Variants in SETBP1 observed in about 807,000 individuals in gnomAD.
The protein encoded by SETBP1 is SET-binding protein.
A neutral mutation model predicts 101.0 loss-of-function variants in SETBP1; 9 were observed. That is an observed-to-expected ratio of 0.09 (90% CI 0.05 to 0.16). SETBP1 has a LOEUF of 0.16. Among genes scored for constraint, SETBP1 ranks in the 10% least tolerant of loss-of-function variants. The pLI, the probability that SETBP1 is intolerant of heterozygous loss-of-function variation, is 1.00. For missense variants in SETBP1, 1,858 were observed against 2,033.8 expected, an observed-to-expected ratio of 0.91 and a Z score of 1.66; for synonymous variants, 818 against 788.5, an observed-to-expected ratio of 1.04 and a Z score of -0.63.
At chr18:44,811,787 G>A (rs2144830985) in intron 2 of SETBP1, among the ~76,000 whole-genome samples, 1 of 152,324 alleles carries the variant, frequency 6.6e-6, no homozygotes, top group Admixed American at 6.5e-5. Context: ...ATGGCTCTGG[G>A]TATGCAAAAG....
intron 4 of SETBP1, among the ~76,000 whole-genome samples, chr18:45,028,276 T>C (rs980078421): frequency 3.3e-5 from 5 of 151,416 alleles, no homozygotes; most frequent in Admixed American, 1.3e-4. Context: ...TTTTTTGTTC[T>C]TGTGATAGTT....
chr18:44,765,479 G>T (rs550734944), intron 2 of SETBP1, among the ~76,000 whole-genome samples: 3 of 152,082 alleles, frequency 2.0e-5, no homozygotes, highest in Non-Finnish European at 4.4e-5. Context: ...GTTTATGTAG[G>T]TTTTTTGTTT....
At chr18:45,056,451 C>T (rs1568054823) in intron 5 of SETBP1, among the ~76,000 whole-genome samples, 1 of 152,184 alleles carries the variant, frequency 6.6e-6, no homozygotes, top group Admixed American at 6.5e-5. Context: ...CAAGTAAGGG[C>T]ATGGCTGGAG....
At chr18:44,792,860 GAAAA>G (rs369042925) in intron 2 of SETBP1, among the ~76,000 whole-genome samples, 1 of 144,206 alleles carries the variant, frequency 6.9e-6, no homozygotes, top group Non-Finnish European at 1.5e-5. Context: ...TAATCTAGGA[GAAAA>G]AAAAAAAAGT....
chr18:45,000,793 AACACACACAC>A (rs113870439), intron 4 of SETBP1, among the ~76,000 whole-genome samples: 5 of 146,702 alleles, frequency 3.4e-5, no homozygotes, highest in South Asian at 2.2e-4. Context: ...GAATGCACAC[AACACACACAC>A]ACACACACAC....
chr18:45,037,098 G>A (rs2073413084), intron 4 of SETBP1, among the ~76,000 whole-genome samples: 1 of 152,220 alleles, frequency 6.6e-6, no homozygotes, highest in Non-Finnish European at 1.5e-5. Context: ...GAGGGGACTG[G>A]ATCAGTCAGG....
intron 4 of SETBP1, among the ~76,000 whole-genome samples, chr18:45,000,268 A>T (rs1392141224): frequency 6.6e-6 from 1 of 152,262 alleles, no homozygotes; most frequent in Admixed American, 6.5e-5. Context: ...ACTTGGATAG[A>T]CAAAAACACA....
At chr18:44,772,505 T>G (rs548372777) in intron 2 of SETBP1, among the ~76,000 whole-genome samples, 5 of 152,248 alleles carry the variant, frequency 3.3e-5, no homozygotes, top group South Asian at 2.1e-4. Context: ...GAGAGGAACA[T>G]TCTTGGCTCT....
intron 4 of SETBP1, among the ~76,000 whole-genome samples, chr18:44,964,782 C>T (rs778379331): frequency 6.6e-6 from 1 of 152,162 alleles, no homozygotes; most frequent in Admixed American, 6.5e-5. Flanking sequence ...GGAAAACCAA[C>T]TCATGCTCCC....
chr18:45,048,623 C>CT (rs569482952), intron 5 of SETBP1, among the ~76,000 whole-genome samples: 51 of 149,066 alleles, frequency 3.4e-4, no homozygotes, highest in Non-Finnish European at 4.3e-4. Flanking sequence ...AATTGTCAAC[C>CT]TTTTTTTTTT....
intron 4 of SETBP1, among the ~76,000 whole-genome samples, chr18:44,970,558 C>CT (rs1050428441): frequency 2.7e-4 from 40 of 147,536 alleles, no homozygotes; most frequent in Middle Eastern, 7.1e-3. Flanking sequence ...ATGCACAGGC[C>CT]TTTTTTTTTT....
chr18:44,893,983 T>C (rs749054599), intron 3 of SETBP1, among the ~76,000 whole-genome samples: 33 of 152,154 alleles, frequency 2.2e-4, no homozygotes, highest in Admixed American at 5.9e-4. Flanking sequence ...GGGGACACTT[T>C]AGTTTTAAAA....
chr18:44,844,648 G>C (rs978984895), intron 2 of SETBP1, among the ~76,000 whole-genome samples: 14 of 152,140 alleles, frequency 9.2e-5, no homozygotes, highest in Admixed American at 5.2e-4. Context: ...GAAATCATGG[G>C]ATTTTTCCTG....
At chr18:44,706,834 A>T (rs1474396696) in intron 2 of SETBP1, among the ~76,000 whole-genome samples, 1 of 152,088 alleles carries the variant, frequency 6.6e-6, no homozygotes, top group African/African-American at 2.4e-5. Context: ...GTGAATCTGG[A>T]TCTGCAGTAT....
chr18:44,919,339 C>T (rs2070521830), intron 3 of SETBP1, among the ~76,000 whole-genome samples: 1 of 149,892 alleles, frequency 6.7e-6, no homozygotes. Flanking sequence ...TAAATCAAAT[C>T]CCCCCATCTT....
At chr18:45,022,445 G>A (rs973030610) in intron 4 of SETBP1, among the ~76,000 whole-genome samples, 7 of 152,106 alleles carry the variant, frequency 4.6e-5, no homozygotes, top group Non-Finnish European at 1.0e-4. Context: ...TCTCAGTGAC[G>A]TCCTTCCTCC....
At chr18:45,040,519 T>C (rs1274241650) in intron 5 of SETBP1, among the ~76,000 whole-genome samples, 1 of 152,216 alleles carries the variant, frequency 6.6e-6, no homozygotes, top group Non-Finnish European at 1.5e-5. Context: ...CCTCTCTTTA[T>C]GGATTGAGAA....
rs567089635 is a variant in SETBP1, at chr18:44,799,439, G to A, written c.487-69791G>A. Among the ~76,000 whole-genome samples, 8 of 152,194 alleles carry A rather than the reference G, an allele frequency of 5.3e-5. No homozygotes were observed. In the South Asian group the frequency reaches 1.0e-3, roughly 20 times the overall value. ...CCAGATCACAGAAATGCAGGCATGC[G>A]TAGAAACACATTCCTTACCTCCTAA... On this transcript the variant is annotated intron_variant, in intron 2 of 5. Transcript: ENST00000649279.
rs556743227 is a variant in SETBP1 at position 45,065,267 on chromosome 18, T to C, written c.*1569T>C. The C allele has an allele frequency of 6.6e-6, 1 of 152,320 alleles. No homozygotes were observed. Among genetic ancestry groups the C allele is most frequent in the East Asian group, 1.9e-4 (1 of 5,192 alleles). The allele number at this position is 152,320 out of a possible 1,614,324, so 9.4% of individuals were successfully genotyped here. A position where few individuals can be genotyped will look rare whatever the true frequency, so the allele number is the denominator to read the frequency against. Reference sequence around the variant, plus strand: ...TTTCTAAAAGTCAGATTGTGGAAATTTCAAATAAGTATTTTCAATTTCCTC... The same window carrying C: ...TTTCTAAAAGTCAGATTGTGGAAATCTCAAATAAGTATTTTCAATTTCCTC... On this transcript the variant is annotated 3_prime_UTR_variant, in exon 6 of 6. Transcript: ENST00000649279.
Sources: gnomAD v4.1 joint callset for allele counts (sites outside exome capture counted in the v4.1 genomes callset) on GRCh38, gnomAD v4.1.1 for gene constraint, MANE v1.5 for transcripts, NCBI Gene and HGNC (gene_info 2026-07-23, HGNC 2026-07-21) for gene names.